ART3: variants seen among roughly 807,000 people sequenced by gnomAD.
ART3 encodes the protein ADP-ribosyltransferase 3 (inactive), also known as ecto-ADP-ribosyltransferase 3.
A neutral mutation model predicts 48.5 loss-of-function variants in ART3; 49 were observed. That is an observed-to-expected ratio of 1.01 (90% confidence interval 0.80 to 1.28). The LOEUF (loss-of-function observed/expected upper bound fraction) is 1.28. Ranked by LOEUF, ART3 falls within the 50% of genes most tolerant of loss-of-function variation. The pLI, the probability that ART3 is intolerant of heterozygous loss-of-function variation, is 0.00. For synonymous variants in ART3, 145 were observed against 157.2 expected (o/e 0.92, Z 0.58); for missense variants, 438 against 454.3 (o/e 0.96, Z 0.33).
intron 3 of ART3, among the ~76,000 whole-genome samples, chr4:76,087,284 C>T (rs141470881): frequency 1.2e-4 from 18 of 152,250 alleles, no homozygotes; most frequent in African/African-American, 4.3e-4. Flanking sequence ...TGGAGGCGCA[C>T]GTGTACCATG....
At chr4:76,084,682 T>C (rs926030417) in intron 3 of ART3, among the ~76,000 whole-genome samples, 1 of 152,212 alleles carries the variant, frequency 6.6e-6, no homozygotes, top group Non-Finnish European at 1.5e-5. Context: ...GGCCTCCTGG[T>C]GATCTTCCAG....
At chr4:76,078,904 C>A (rs1438046167) in intron 2 of ART3, among the ~76,000 whole-genome samples, 1 of 152,072 alleles carries the variant, frequency 6.6e-6, no homozygotes, top group Non-Finnish European at 1.5e-5. Context: ...CATGGTGAAA[C>A]CCCGTCTCTA....
At chr4:76,081,517 A>T (rs942395730) in intron 2 of ART3, among the ~76,000 whole-genome samples, 5 of 152,186 alleles carry the variant, frequency 3.3e-5, no homozygotes, top group Admixed American at 6.5e-5. Context: ...ACTGCCACCC[A>T]TTTCTTTAGC....
At chr4:76,079,924 A>ACACG (rs879298080) in intron 2 of ART3, among the ~76,000 whole-genome samples, 18 of 150,770 alleles carry the variant, frequency 1.2e-4, no homozygotes, top group Admixed American at 2.6e-4. Flanking sequence ...TCTCTCACAC[A>ACACG]CACACACAGA....
chr4:76,035,352 A>G, intron 1 of ART3: 1 of 1,613,128 alleles, frequency 6.2e-7, no homozygotes, highest in Non-Finnish European at 8.5e-7. Context: ...CCTAGAATAG[A>G]TCATAGCATT....
At chr4:76,103,742 TA>T (rs971504340) in intron 8 of ART3, among the ~76,000 whole-genome samples, 194 bp from the exon 9 acceptor site, 2 of 152,000 alleles carry the variant, frequency 1.3e-5, no homozygotes, top group African/African-American at 4.8e-5. Context: ...AAGTCCAGGC[TA>T]AGGAGTTTGG....
intron 1 of ART3, among the ~76,000 whole-genome samples, chr4:76,065,688 A>G (rs990845206): frequency 6.6e-6 from 1 of 151,900 alleles, no homozygotes; most frequent in Non-Finnish European, 1.5e-5. Flanking sequence ...CCTAAAATCT[A>G]CCAATAGGAT....
At chr4:76,052,884 G>T (rs568157138) in intron 1 of ART3, among the ~76,000 whole-genome samples, 2 of 151,742 alleles carry the variant, frequency 1.3e-5, no homozygotes, top group African/African-American at 4.8e-5. Flanking sequence ...CTGTGCCACC[G>T]CACCAGGCTA....
chr4:76,062,574 T>A (rs939385408), intron 1 of ART3, among the ~76,000 whole-genome samples: 1 of 149,402 alleles, frequency 6.7e-6, no homozygotes, highest in Non-Finnish European at 1.5e-5. Context: ...TTTTTTTTTT[T>A]TTTTGAGACA....
At chr4:76,035,275 T>C in intron 1 of ART3, 1 of 1,614,090 alleles carries the variant, frequency 6.2e-7, no homozygotes, top group African/African-American at 1.3e-5. Context: ...TCTCAATATC[T>C]GCCACTTTCA....
intron 1 of ART3, among the ~76,000 whole-genome samples, chr4:76,048,801 C>T (rs574995168): frequency 6.3e-5 from 8 of 126,132 alleles, no homozygotes; most frequent in South Asian, 2.6e-4. Context: ...GGACCGACCA[C>T]AAAAAATCGG....
chr4:76,112,664 A>G lies in ART3; in HGVS notation c.*145A>G, dbSNP rs921358082. ...TTGTATATTTGTTATTCATTTTGCA[A>G]ATTCAGAAAGTTGGTCCAGATATAT... is the stretch of plus-strand genomic sequence containing the variant. On this transcript the variant is annotated 3_prime_UTR_variant, in exon 12 of 12. Transcript: ENST00000355810. The G allele has an allele frequency of 3.0e-6, 3 of 993,882 alleles. No individual in the cohort carries two copies. The highest frequency in any genetic ancestry group is 4.1e-6 in the Non-Finnish European group (3 of 725,520). 61.6% of individuals were successfully genotyped at this position (993,882 alleles called of 1,614,324 possible).
chr4:76,085,713 A>G (rs556843696), intron 3 of ART3, among the ~76,000 whole-genome samples: 1 of 152,324 alleles, frequency 6.6e-6, no homozygotes, highest in Admixed American at 6.5e-5. Flanking sequence ...GTTGGTAGGA[A>G]GGTAGATTGG....
At chr4:76,089,365 T>TTAGAA (rs1314746269) in intron 3 of ART3, among the ~76,000 whole-genome samples, 2,053 of 152,324 alleles carry the variant, frequency 0.013, 41 homozygotes, top group African/African-American at 0.047. Flanking sequence ...GATTGGATCA[T>TTAGAA]GGGGGCTGTT....
chr4:76,101,060 A>G (rs1727200092), intron 8 of ART3, 41 bp downstream of exon 8: 1 of 1,608,544 alleles, frequency 6.2e-7, no homozygotes. Flanking sequence ...ACATTTTGCA[A>G]TATATCTCCC....
intron 2 of ART3, among the ~76,000 whole-genome samples, chr4:76,080,161 A>G (rs770787771): frequency 9.9e-5 from 15 of 152,190 alleles, no homozygotes; most frequent in Non-Finnish European, 1.9e-4. Context: ...AGATTTGATC[A>G]TCTTATTTTT....
chr4:76,058,292 T>C (rs1202780510), intron 1 of ART3, among the ~76,000 whole-genome samples: 3 of 152,176 alleles, frequency 2.0e-5, no homozygotes, highest in Admixed American at 2.0e-4. Flanking sequence ...GTCTTTAAAA[T>C]TGAAGAAAGA....
At chr4:76,076,288 G>A (rs1035450035) in intron 2 of ART3, among the ~76,000 whole-genome samples, 5 of 152,134 alleles carry the variant, frequency 3.3e-5, no homozygotes, top group African/African-American at 1.2e-4. Context: ...ACAGGCGTGA[G>A]CCACCGCGCT....
At chr4:76,099,560 G>A (rs960460629) in intron 5 of ART3, 6 of 160,480 alleles carry the variant, frequency 3.7e-5, no homozygotes, top group East Asian at 1.9e-4. Context: ...TTCTTGACCA[G>A]TTATGAGGGC....
Sources: gnomAD v4.1 joint callset for allele counts (sites outside exome capture counted in the v4.1 genomes callset) on GRCh38, gnomAD v4.1.1 for gene constraint, MANE v1.5 for transcripts, NCBI Gene and HGNC (gene_info 2026-07-23, HGNC 2026-07-21) for gene names.